DMD: variants seen among roughly 807,000 people sequenced by gnomAD.
DMD encodes dystrophin.
A neutral mutation model predicts 330.1 loss-of-function variants in DMD; 63 were observed. The observed-to-expected ratio is 0.19, with a 90% CI of 0.16 to 0.24. DMD has a LOEUF of 0.24. Ranked by LOEUF, DMD falls within the 10% of genes least tolerant of loss-of-function variation. The probability of loss-of-function intolerance (pLI) is 1.00; values close to 1 mark genes in which losing one functional copy is unlikely to be tolerated. For synonymous variants in DMD, 1,223 were observed against 959.8 expected (o/e 1.27, Z -5.07); for missense variants, 3,344 against 2,684.1 (o/e 1.25, Z -5.43).
chrX:32,899,229 C>A (rs2086003092), intron 2 of DMD, among the ~76,000 whole-genome samples: 2 of 112,283 alleles, frequency 1.8e-5, no homozygotes, highest in Admixed American at 1.9e-4. Flanking sequence ...GCATTTAGAT[C>A]TTTGCTTCAC....
At chrX:31,201,085 G>C (rs2043385674) in intron 67 of DMD, among the ~76,000 whole-genome samples, 1 of 109,303 alleles carries the variant, frequency 9.1e-6, no homozygotes, top group African/African-American at 3.3e-5. Context: ...CAACATTTTG[G>C]GAGGCTGAGG....
At chrX:33,136,404 C>T (rs1367552649) in intron 1 of DMD, among the ~76,000 whole-genome samples, 1 of 100,309 alleles carries the variant, frequency 1.0e-5, no homozygotes, top group Non-Finnish European at 2.0e-5. Flanking sequence ...GATACTAGAT[C>T]GAAGAAGTAT....
intron 2 of DMD, among the ~76,000 whole-genome samples, chrX:32,859,461 T>TCTCA (rs1557094049): frequency 2.3e-5 from 2 of 86,041 alleles, no homozygotes; most frequent in Non-Finnish European, 4.6e-5. Context: ...AAGCAAGATC[T>TCTCA]CACACACACA....
At chrX:32,652,574 G>A (rs1300661435) in intron 9 of DMD, among the ~76,000 whole-genome samples, 2 of 110,352 alleles carry the variant, frequency 1.8e-5, no homozygotes, top group Admixed American at 1.9e-4. Context: ...CTTTGCTATT[G>A]TGAATAGTGC....
At chrX:31,760,892 G>A (rs2089526839) in intron 51 of DMD, among the ~76,000 whole-genome samples, 1 of 108,848 alleles carries the variant, frequency 9.2e-6, no homozygotes, top group South Asian at 3.9e-4. Flanking sequence ...GCCCTAGGCT[G>A]TACAGATTTG....
chrX:31,688,316 T>G (rs370623358), intron 52 of DMD, among the ~76,000 whole-genome samples: 5 of 110,137 alleles, frequency 4.5e-5, no homozygotes, highest in African/African-American at 1.7e-4. Flanking sequence ...AAATACAAAC[T>G]ACCATCAGAG....
At chrX:32,595,987 AT>A (rs2055478530) in intron 12 of DMD, 111 bp from the exon 13 acceptor site, 1 of 697,664 alleles carries the variant, frequency 1.4e-6, no homozygotes, top group Non-Finnish European at 2.2e-6. Flanking sequence ...AGGTACTCCC[AT>A]TTTTTATTAA....
intron 59 of DMD, among the ~76,000 whole-genome samples, chrX:31,458,025 C>A (rs2149149012): frequency 9.0e-6 from 1 of 111,513 alleles, no homozygotes; most frequent in African/African-American, 3.2e-5. Context: ...GGTCTTATTT[C>A]TTGCAAACAA....
At chrX:31,952,758 A>G (rs945365415) in intron 45 of DMD, among the ~76,000 whole-genome samples, 12 of 96,863 alleles carry the variant, frequency 1.2e-4, no homozygotes, top group African/African-American at 3.7e-4. Flanking sequence ...GTCACAGTTG[A>G]ACGTATCGTA....
rs183962841 is a variant in DMD at position 32,821,150 on chromosome X, A to G, written c.357+2145T>C. On this transcript the variant is annotated intron_variant, in intron 5 of 78. Transcript: ENST00000357033. The stretch of plus-strand genomic sequence containing the variant: ...TCCCCTCTCCCCGCTTACTGTTGTG[A>G]AGTAGCATTAAGCCTGTTCAGAGAA... 8.5e-3 allele frequency among the ~76,000 whole-genome samples: 941 copies of G among 111,343 alleles called. 5 individuals are homozygous for G. Among genetic ancestry groups the G allele is most frequent in the African/African-American group, 0.029 (879 of 30,632 alleles).
chrX:32,476,371 T>C (rs2041237009), intron 21 of DMD, among the ~76,000 whole-genome samples: 1 of 111,620 alleles, frequency 9.0e-6, no homozygotes, highest in Non-Finnish European at 1.9e-5. Context: ...TAGTTTTGTA[T>C]TAAATTCATT....
intron 60 of DMD, among the ~76,000 whole-genome samples, chrX:31,370,835 T>C (rs931632408): frequency 1.3e-4 from 15 of 112,153 alleles, no homozygotes; most frequent in Admixed American, 7.6e-4. Flanking sequence ...AACCATAGCA[T>C]ACAACTCACG....
chrX:32,064,728 G>T (rs2096249252), intron 44 of DMD, among the ~76,000 whole-genome samples: 1 of 111,173 alleles, frequency 9.0e-6, no homozygotes, highest in Non-Finnish European at 1.9e-5. Context: ...GAGGCAAACA[G>T]TATATACATT....
chrX:32,863,492 A>G (rs1451012965), intron 2 of DMD, among the ~76,000 whole-genome samples: 2 of 92,832 alleles, frequency 2.2e-5, no homozygotes, highest in African/African-American at 9.2e-5. Context: ...CCTGGGTGGC[A>G]GAGTGAGACT....
intron 44 of DMD, among the ~76,000 whole-genome samples, chrX:32,026,270 G>A (rs1041305236): frequency 8.9e-6 from 1 of 112,136 alleles, no homozygotes; most frequent in Non-Finnish European, 1.9e-5. Flanking sequence ...AATAAGCTAA[G>A]AGCTGCCACT....
chrX:32,698,101 G>A, intron 8 of DMD, 103 bp from the exon 9 acceptor site: 1 of 898,879 alleles, frequency 1.1e-6, no homozygotes, highest in East Asian at 3.4e-5. Flanking sequence ...AACATTAAAT[G>A]GAAATGGTGA....
chrX:32,311,485 G>A (rs1002784908), intron 41 of DMD, among the ~76,000 whole-genome samples: 2 of 111,291 alleles, frequency 1.8e-5, no homozygotes, highest in African/African-American at 6.5e-5. Flanking sequence ...TATAAAAAAT[G>A]AAGTAATTCT....
chrX:32,666,655 C>T (rs1264483700), intron 9 of DMD, among the ~76,000 whole-genome samples: 2 of 109,840 alleles, frequency 1.8e-5, no homozygotes, highest in African/African-American at 6.6e-5. Flanking sequence ...ATGGTGAAAC[C>T]CTGTCTCTAC....
intron 6 of DMD, among the ~76,000 whole-genome samples, chrX:32,814,179 A>T (rs1350963446): frequency 8.9e-6 from 1 of 112,105 alleles, no homozygotes; most frequent in Non-Finnish European, 1.9e-5. Context: ...TAATACACTA[A>T]AATAAGGATT....
Sources: allele counts gnomAD v4.1 joint callset (sites outside exome capture counted in the v4.1 genomes callset), GRCh38; gene constraint gnomAD v4.1.1; transcripts MANE v1.5; gene names NCBI Gene and HGNC (gene_info 2026-07-23, HGNC 2026-07-21).